The following SNX25 variants were observed in gnomAD, a reference collection of about 807,000 sequenced individuals.
The protein encoded by SNX25 is sorting nexin-25.
In SNX25, 62 loss-of-function variants were observed where a neutral mutation model predicts 113.7. The ratio of observed to expected loss-of-function variants is 0.55; its 90% CI spans 0.44 to 0.67. SNX25 has a LOEUF of 0.67. Among genes scored for constraint, SNX25 ranks in the 30% least tolerant of loss-of-function variants. SNX25 has a pLI of 0.00. For missense variants in SNX25, 1,014 were observed against 1,161.0 expected, an observed-to-expected ratio of 0.87 and a Z score of 1.84; for synonymous variants, 421 against 436.2, an observed-to-expected ratio of 0.97 and a Z score of 0.43.
At chr4:185,307,195 G>A (rs187608974) in intron 6 of SNX25, among the ~76,000 whole-genome samples, 1 of 152,270 alleles carries the variant, frequency 6.6e-6, no homozygotes, top group Non-Finnish European at 1.5e-5. Flanking sequence ...TGACTAATTG[G>A]GACCTGAGAT....
intron 5 of SNX25, among the ~76,000 whole-genome samples, chr4:185,271,977 C>T (rs149343084): frequency 2.6e-5 from 4 of 152,290 alleles, no homozygotes; most frequent in African/African-American, 4.8e-5. Flanking sequence ...ATGTCAGAAC[C>T]ACTGAGACCT....
chr4:185,372,822 G>T, downstream of SNX25: 1 of 1,519,870 alleles, frequency 6.6e-7, no homozygotes, highest in Non-Finnish European at 9.0e-7. Flanking sequence ...GTGATATTCT[G>T]TTACAGCAGC....
chr4:185,378,441 C>T, the SNX25 span: 8 of 1,289,780 alleles, frequency 6.2e-6, no homozygotes, highest in East Asian at 2.7e-4. Flanking sequence ...TCGCATTCAC[C>T]ATGAGACCTG....
At chr4:185,260,371 G>A (rs996223696) in intron 3 of SNX25, among the ~76,000 whole-genome samples, 1 of 152,050 alleles carries the variant, frequency 6.6e-6, no homozygotes, top group Non-Finnish European at 1.5e-5. Flanking sequence ...TGGCGAGCTG[G>A]AGCTGGCTTG....
Position 185,223,475 on chromosome 4 carries a change from C to T in SNX25, c.429+13220C>T, listed in dbSNP as rs79020931. Among the ~76,000 whole-genome samples, 857 of 152,168 alleles carry T rather than the reference C, an allele frequency of 5.6e-3. 7 individuals carry two copies. The highest frequency in any genetic ancestry group is 0.019 in the African/African-American group (782 of 41,532). On this transcript the variant is annotated intron_variant, in intron 1 of 18. Transcript: ENST00000652585. Reference sequence around the variant, plus strand: ...GCCTGCTCAAACTCCTGTTTGATTCCTTTGGCAAAACTTTGGCTAGTGGTG... The same window carrying T: ...GCCTGCTCAAACTCCTGTTTGATTCTTTTGGCAAAACTTTGGCTAGTGGTG...
intron 2 of SNX25, among the ~76,000 whole-genome samples, chr4:185,256,624 CT>C (rs35160292): frequency 0.026 from 2,922 of 112,524 alleles, 41 homozygotes; most frequent in Non-Finnish European, 0.038. Flanking sequence ...ACCTAAATTT[CT>C]TTTTTTTTTT....
intron 1 of SNX25, among the ~76,000 whole-genome samples, chr4:185,236,261 C>A (rs1367788549): frequency 6.6e-6 from 1 of 152,086 alleles, no homozygotes. Flanking sequence ...CTTTTCCCAC[C>A]ACCCTGACCA....
intron 16 of SNX25, among the ~76,000 whole-genome samples, chr4:185,360,950 T>TATATATATATAGATAGATAGATAG: frequency 7.1e-6 from 1 of 141,822 alleles, no homozygotes; most frequent in South Asian, 2.2e-4. Context: ...TATATATATA[T>TATATATATATAGATAGATAGATAG]ATAGAATCTG....
chr4:185,356,078 G>C (rs969544495), intron 15 of SNX25, among the ~76,000 whole-genome samples: 3 of 152,202 alleles, frequency 2.0e-5, no homozygotes, highest in African/African-American at 7.2e-5. Flanking sequence ...GTCGTCAGCA[G>C]AATCCTAGTG....
intron 1 of SNX25, among the ~76,000 whole-genome samples, chr4:185,241,017 C>T (rs1359083209): frequency 1.3e-5 from 2 of 150,508 alleles, no homozygotes; most frequent in Non-Finnish European, 3.0e-5. Context: ...CAGAGAGGCT[C>T]CTCACATCCC....
chr4:185,329,132 C>T (rs1309280619), intron 9 of SNX25, among the ~76,000 whole-genome samples: 3 of 152,042 alleles, frequency 2.0e-5, no homozygotes, highest in Non-Finnish European at 4.4e-5. Flanking sequence ...CAACTTCTTG[C>T]CATTTGCTAT....
chr4:185,273,747 A>G (rs1451146427), intron 5 of SNX25, among the ~76,000 whole-genome samples: 3 of 152,134 alleles, frequency 2.0e-5, no homozygotes, highest in South Asian at 2.1e-4. Flanking sequence ...TAGATTCCAC[A>G]TGTACGTGAG....
chr4:185,219,627 C>A (rs185622669), intron 1 of SNX25, among the ~76,000 whole-genome samples: 84 of 152,294 alleles, frequency 5.5e-4, no homozygotes, highest in African/African-American at 1.9e-3. Context: ...TTATGCCCCT[C>A]CTTGCATCTC....
intron 1 of SNX25, among the ~76,000 whole-genome samples, chr4:185,219,844 T>C (rs991551084): frequency 6.6e-6 from 1 of 152,048 alleles, no homozygotes; most frequent in African/African-American, 2.4e-5. Flanking sequence ...TTGTTATACA[T>C]GAAATTAACA....
chr4:185,374,222 T>G, downstream of SNX25: 1 of 1,614,220 alleles, frequency 6.2e-7, no homozygotes, highest in South Asian at 1.1e-5. Context: ...TTCCATTGTC[T>G]GCTGCGATAA....
At chr4:185,222,865 A>G (rs1371791790) in intron 1 of SNX25, among the ~76,000 whole-genome samples, 1 of 152,222 alleles carries the variant, frequency 6.6e-6, no homozygotes, top group African/African-American at 2.4e-5. Flanking sequence ...TGCTTAAGGG[A>G]GAAGTCTCTT....
At chr4:185,370,393 T>C (rs2095410858), downstream of SNX25, among the ~76,000 whole-genome samples, 1 of 152,184 alleles carries the variant, frequency 6.6e-6, no homozygotes, top group Non-Finnish European at 1.5e-5. Context: ...AGGCTGCAGA[T>C]AGTAGCAGAA....
chr4:185,304,598 C>T (rs1461288590), intron 6 of SNX25, among the ~76,000 whole-genome samples: 2 of 152,156 alleles, frequency 1.3e-5, no homozygotes, highest in Non-Finnish European at 2.9e-5. Context: ...CTCATGTGAT[C>T]TGCCTGCCCC....
chr4:185,338,574 C>T (rs2095244405), intron 10 of SNX25, among the ~76,000 whole-genome samples: 2 of 152,160 alleles, frequency 1.3e-5, no homozygotes, highest in Admixed American at 1.3e-4. Flanking sequence ...AGTTGTGAGC[C>T]ACCATGCACG....
Sources: allele counts gnomAD v4.1 joint callset (sites outside exome capture counted in the v4.1 genomes callset), GRCh38; gene constraint gnomAD v4.1.1; transcripts MANE v1.5; gene names NCBI Gene and HGNC (gene_info 2026-07-23, HGNC 2026-07-21).